NLRP9: variants seen among roughly 807,000 people sequenced by gnomAD.
NLRP9 encodes the protein NACHT, LRR and PYD domains-containing protein 9.
NLRP9 carries 88 observed loss-of-function variants against 83.1 expected under a neutral mutation model. That is an observed-to-expected ratio of 1.06 (90% CI 0.89 to 1.26). NLRP9 has a LOEUF of 1.26. NLRP9 is among the 50% of genes most tolerant of loss of function. The pLI is 0.00. For missense variants in NLRP9, 1,308 were observed against 1,179.3 expected, an observed-to-expected ratio of 1.11 and a Z score of -1.60; for synonymous variants, 521 against 447.6, an observed-to-expected ratio of 1.16 and a Z score of -2.07.
intron 4 of NLRP9, among the ~76,000 whole-genome samples, chr19:55,718,756 G>A (rs775697306): frequency 1.1e-4 from 16 of 152,198 alleles, no homozygotes; most frequent in South Asian, 1.0e-3. Flanking sequence ...GTCCTCGCAC[G>A]TTAAGCGTCT....
At chr19:55,713,251 C>T (rs1414371530) in intron 6 of NLRP9, among the ~76,000 whole-genome samples, 4 of 151,524 alleles carry the variant, frequency 2.6e-5, no homozygotes, top group Non-Finnish European at 5.9e-5. Flanking sequence ...TCTCCAGGCC[C>T]CAAGCTGGTG....
intron 1 of NLRP9, among the ~76,000 whole-genome samples, chr19:55,733,918 A>ATTTT (rs1423854158): frequency 8.6e-4 from 102 of 118,086 alleles, no homozygotes; most frequent in Middle Eastern, 4.3e-3. Context: ...TTGTCAACCA[A>ATTTT]ATTTTTTTTT....
At chr19:55,733,991 C>T (rs1486324880) in intron 1 of NLRP9, among the ~76,000 whole-genome samples, 34 of 139,834 alleles carry the variant, frequency 2.4e-4, no homozygotes, top group Non-Finnish European at 3.0e-5. Flanking sequence ...GGCGGGATCT[C>T]GGCTCACTGC....
Position 55,732,993 on chromosome 19 carries a change from T to A in NLRP9, c.838A>T (p.Met280Leu). Residue 280 changes from methionine (M) to leucine (L), a missense_variant, in exon 2 of 9, where the codon ATG becomes TTG. Physicochemically the swap from Met to Leu is conservative, Grantham distance 15. Transcript: ENST00000332836. Reference sequence around the variant, plus strand: ...CGCAACATAAAATAGTGTTTTTGCATAGCCAGTTTTCCTAATGCAATAAGG... The same window carrying A: ...CGCAACATAAAATAGTGTTTTTGCAAAGCCAGTTTTCCTAATGCAATAAGG... ...SLLIALGKLA[M>L]QKHYFMLRHP... 1.2e-6 allele frequency: 2 copies of A among 1,614,222 alleles called. No individual in the cohort carries two copies. Among genetic ancestry groups the A allele is most frequent in the Non-Finnish European group, 1.7e-6 (2 of 1,180,032 alleles).
intron 4 of NLRP9, among the ~76,000 whole-genome samples, chr19:55,718,280 A>G (rs1373636008): frequency 2.0e-5 from 3 of 152,102 alleles, no homozygotes; most frequent in African/African-American, 7.2e-5. Flanking sequence ...ATGGGAAAGG[A>G]AAGACTTTAC....
chr19:55,711,250 TAAAA>T (rs540587585), intron 8 of NLRP9: 5 of 510,428 alleles, frequency 9.8e-6, no homozygotes, highest in African/African-American at 2.1e-5. Flanking sequence ...TTTTAAAAAA[TAAAA>T]AAATAACTTT....
At chr19:55,724,186 C>G (rs1263293276) in intron 3 of NLRP9, 42 bp from the exon 4 acceptor site, 1 of 1,425,982 alleles carries the variant, frequency 7.0e-7, no homozygotes, top group Non-Finnish European at 9.7e-7. Context: ...GCAATGAGAT[C>G]CCAGCACAAA....
In NLRP9 at chr19:55,723,972, G is replaced by C; in HGVS notation, c.2159+8C>G. The C allele has an allele frequency of 1.2e-6, 2 of 1,607,332 alleles. No individual in the cohort carries two copies. Among genetic ancestry groups the C allele is most frequent in the Non-Finnish European group, 1.7e-6 (2 of 1,177,260 alleles). On this transcript the variant is annotated splice_region_variant and intron_variant, in intron 4 of 8. Transcript: ENST00000332836. ...AAACAGCACTCGGCATGAACAGCCC[G>C]GACTTACATCAGCTCTTCTATCTTG...
In NLRP9 at chr19:55,711,895, C is replaced by T; in HGVS notation, c.2748G>A (p.Arg916=). The T allele has an allele frequency of 1.2e-6, 2 of 1,613,356 alleles. No homozygotes were observed. The highest frequency in any genetic ancestry group is 1.7e-6 in the Non-Finnish European group (2 of 1,179,976). Residue 916 remains arginine, a synonymous_variant, in exon 8 of 9, where the codon AGG becomes AGA. Transcript: ENST00000332836. ...AAALIACKTL[R]SLNLDWIALD... ...AGGCAATCCAGTCGAGGTTCAGGCT[C>T]CTCAGTGTTTTGCAGGCGATGAGTG...
chr19:55,738,196 T>C lies in NLRP9; in HGVS notation c.179A>G (p.Asp60Gly), dbSNP rs1162925447. The change falls in exon 1 of 9, where the codon GAC becomes GGC. Residue 60 changes from aspartate to glycine, a missense_variant. Physicochemically the swap from Asp to Gly is moderately conservative, Grantham distance 94. Coordinates refer to ENST00000332836, the MANE Select transcript of NLRP9 (RefSeq NM_176820.4). ...TGCCTGCTTTCCTGGGTAATGTTTG[T>C]CCAGCAGCTTTGCTACATCTTCTTT... ...ASKEDVAKLLDKHYPGKQAWE... is the reference protein window; with the variant it reads ...ASKEDVAKLLGKHYPGKQAWE... 6.2e-7 allele frequency: 1 copy of C among 1,614,034 alleles called. No individual in the cohort carries two copies. Among genetic ancestry groups the C allele is most frequent in the Non-Finnish European group, 8.5e-7 (1 of 1,180,020 alleles).
In NLRP9 at chr19:55,709,150, G is replaced by A. The variant is rs184959186; in HGVS notation, c.2844-106C>T. The A allele has an allele frequency of 4.2e-3, 3,061 of 721,094 alleles. 16 individuals are homozygous for A. Among genetic ancestry groups the A allele is most frequent in the Non-Finnish European group, 4.8e-3 (2,271 of 474,540 alleles). 44.7% of individuals were successfully genotyped at this position (721,094 alleles called of 1,614,324 possible). A position where few individuals can be genotyped will look rare whatever the true frequency, so the allele number is the denominator to read the frequency against. On this transcript the variant is annotated intron_variant, in intron 8 of 8. Coordinates refer to ENST00000332836, the MANE Select transcript of NLRP9 (RefSeq NM_176820.4). Reference sequence around the variant, plus strand: ...CTCCTCTCCTCTTTATTCTTTCCTAGAAATCACTGGGAGAATTGTACTGAA... The same window carrying A: ...CTCCTCTCCTCTTTATTCTTTCCTAAAAATCACTGGGAGAATTGTACTGAA...
At chr19:55,720,534 T>A (rs1265699533) in intron 4 of NLRP9, among the ~76,000 whole-genome samples, 1 of 152,124 alleles carries the variant, frequency 6.6e-6, no homozygotes, top group Admixed American at 6.5e-5. Flanking sequence ...CTCACTATGT[T>A]GCCCAGGCTG....
At chr19:55,712,792 G>A (rs924946708) in intron 6 of NLRP9, among the ~76,000 whole-genome samples, 2 of 68,284 alleles carry the variant, frequency 2.9e-5, no homozygotes, top group African/African-American at 6.5e-5. Flanking sequence ...AGGGAGGAGG[G>A]AAGAAGGGGA....
intron 1 of NLRP9, among the ~76,000 whole-genome samples, chr19:55,736,132 C>T (rs1382470005): frequency 6.6e-6 from 1 of 151,986 alleles, no homozygotes; most frequent in Non-Finnish European, 1.5e-5. Flanking sequence ...TGATTCACGC[C>T]TGTAATCCCA....
chr19:55,730,504 A>G (rs1007907821), intron 2 of NLRP9, among the ~76,000 whole-genome samples: 1 of 152,120 alleles, frequency 6.6e-6, no homozygotes, highest in Non-Finnish European at 1.5e-5. Flanking sequence ...CATGGAATCA[A>G]CCTAAATGCC....
chr19:55,736,154 G>A (rs188320961), intron 1 of NLRP9, among the ~76,000 whole-genome samples: 3 of 151,872 alleles, frequency 2.0e-5, no homozygotes, highest in Admixed American at 1.3e-4. Context: ...CACTTTGGGA[G>A]GCTGAGGTGG....
chr19:55,720,696 T>C (rs1988197828), intron 4 of NLRP9, among the ~76,000 whole-genome samples: 1 of 152,036 alleles, frequency 6.6e-6, no homozygotes, highest in African/African-American at 2.4e-5. Context: ...TGATAAAGAA[T>C]CTCTCTTAAT....
At chr19:55,709,287 G>A in intron 8 of NLRP9, 1 of 266,274 alleles carries the variant, frequency 3.8e-6, no homozygotes, top group Non-Finnish European at 7.0e-6. Context: ...CAAAAAAGAT[G>A]AATTTAAGTT....
At chr19:55,711,670 G>T in intron 8 of NLRP9, 130 bp downstream of exon 8, 1 of 934,920 alleles carries the variant, frequency 1.1e-6, no homozygotes, top group Non-Finnish European at 1.7e-6. Flanking sequence ...TGTCAACAGG[G>T]GCCCAAGGAC....
Sources: allele counts gnomAD v4.1 joint callset (sites outside exome capture counted in the v4.1 genomes callset), GRCh38; gene constraint gnomAD v4.1.1; transcripts MANE v1.5; gene names NCBI Gene and HGNC (gene_info 2026-07-23, HGNC 2026-07-21).